The following KLF5 variants were observed in gnomAD, a reference collection of about 807,000 sequenced individuals.
The protein encoded by KLF5 is Krueppel-like factor 5.
A neutral mutation model predicts 36.9 loss-of-function variants in KLF5; 9 were observed. The ratio of observed to expected loss-of-function variants is 0.24; its 90% CI spans 0.15 to 0.43. The LOEUF is 0.43. Among genes scored for constraint, KLF5 ranks in the 20% least tolerant of loss-of-function variants. KLF5 has a pLI of 1.00. For missense variants in KLF5, 524 were observed against 599.5 expected, an observed-to-expected ratio of 0.87 and a Z score of 1.31; for synonymous variants, 246 against 241.7, an observed-to-expected ratio of 1.02 and a Z score of -0.17.
rs2044636815 is a variant in KLF5 at position 73,061,791 on chromosome 13, C to T, written c.262-70C>T. 4 of 1,453,196 alleles carry T rather than the reference C, an allele frequency of 2.8e-6. No homozygotes were observed. In the South Asian group the frequency reaches 5.0e-5, roughly 18 times the overall value. 90.0% of individuals were successfully genotyped at this position (1,453,196 alleles called of 1,614,324 possible). ...AGGGATTGGGGGAATTTTTAGTAGG[C>T]GCCGATTGTTCGTTCTTCCCGAGAT... On this transcript the variant is annotated intron_variant, in intron 1 of 3. Transcript: ENST00000377687.
rs190185588 is a variant in KLF5 at position 73,062,774 on chromosome 13, T to A, written c.1135+40T>A. 4.4e-3 allele frequency: 5,886 copies of A among 1,331,668 alleles called. 185 individuals are homozygous for A. In the African/African-American group the frequency reaches 0.076, roughly 17 times the overall value. 82.5% of individuals were successfully genotyped at this position (1,331,668 alleles called of 1,614,324 possible). Reference sequence around the variant, plus strand: ...CTGGTTGAAGCATCAATAGATGTAGTGTGTGTGTGTGTGTGTCTGTGTGCG... The same window carrying A: ...CTGGTTGAAGCATCAATAGATGTAGAGTGTGTGTGTGTGTGTCTGTGTGCG... On this transcript the variant is annotated intron_variant, in intron 2 of 3. Transcript: ENST00000377687.
chr13:73,055,614 T>C (rs941183517), upstream of KLF5, among the ~76,000 whole-genome samples: 1 of 152,218 alleles, frequency 6.6e-6, no homozygotes, highest in Non-Finnish European at 1.5e-5. Flanking sequence ...AGACTACAGA[T>C]GTGAAATGTT....
chr13:73,062,879 A>G, intron 2 of KLF5, 145 bp downstream of exon 2: 1 of 620,524 alleles, frequency 1.6e-6, no homozygotes, highest in South Asian at 2.6e-5. Flanking sequence ...GACAGTAAAA[A>G]AAAAAAAAAT....
In KLF5 at chr13:73,059,458, C is replaced by T; in HGVS notation, c.131C>T (p.Ala44Val). Residue 44 changes from alanine (A) to valine (V), a missense_variant, in exon 1 of 4, where the codon GCG becomes GTG. Physicochemically the swap from Ala to Val is moderately conservative, Grantham distance 64. Transcript: ENST00000377687. ...LGAANPARDA[A>V]LFPGEELKHA... ...GCCGCGAATCCGGCCCGCGACGCGG[C>T]GCTCTTCCCCGGCGAGGAGCTGAAG... The T allele has an allele frequency of 3.9e-6, 5 of 1,277,774 alleles. No homozygotes were observed. Among genetic ancestry groups the T allele is most frequent in the Non-Finnish European group, 4.9e-6 (5 of 1,012,506 alleles). The allele number at this position is 1,277,774 out of a possible 1,614,324, so 79.2% of individuals were successfully genotyped here. A position where few individuals can be genotyped will look rare whatever the true frequency, so the allele number is the denominator to read the frequency against.
intron 3 of KLF5, among the ~76,000 whole-genome samples, chr13:73,069,841 C>T (rs2044710085): frequency 6.6e-6 from 1 of 152,064 alleles, no homozygotes; most frequent in African/African-American, 2.4e-5. Context: ...CTCTTCTTGC[C>T]CTTTTGTTCA....
intron 1 of KLF5, among the ~76,000 whole-genome samples, chr13:73,061,277 C>T (rs533708936): frequency 6.6e-6 from 1 of 152,220 alleles, no homozygotes; most frequent in East Asian, 1.9e-4. Context: ...TTGCTTAGAA[C>T]GTTGTGTTTA....
rs367684900 is a variant in KLF5 at position 73,075,828 on chromosome 13, A to G, written c.1316A>G (p.Asn439Ser). 5.0e-6 allele frequency: 8 copies of G among 1,611,610 alleles called. No homozygotes were observed. The African/African-American group carries it at 1.1e-4, about 22-fold the overall frequency. The change falls in exon 4 of 4, where the codon AAC becomes AGC. Residue 439 changes from asparagine (N) to serine (S), a missense_variant. Physicochemically the swap from Asn to Ser is conservative, Grantham distance 46. Around this residue, in one of 4 missense-constraint regions of KLF5, gnomAD observed 20 missense variants for 16.1 expected, o/e 1.24. Coordinates refer to ENST00000377687, the MANE Select transcript of KLF5 (RefSeq NM_001730.5). ...GAKPFQCGVC[N>S]RSFSRSDHLA... ...AAGCCCTTCCAGTGCGGGGTGTGCA[A>G]CCGCAGCTTCTCGCGCTCTGACCAC...
chr13:73,063,068 C>T (rs1054128074), intron 2 of KLF5, among the ~76,000 whole-genome samples: 3 of 151,466 alleles, frequency 2.0e-5, no homozygotes, highest in Admixed American at 6.6e-5. Flanking sequence ...CATATTATTT[C>T]GAGTTAGGCC....
chr13:73,070,549 T>G (rs2044715691), intron 3 of KLF5, among the ~76,000 whole-genome samples: 1 of 152,186 alleles, frequency 6.6e-6, no homozygotes, highest in African/African-American at 2.4e-5. Flanking sequence ...TAGCAGTAGT[T>G]TAGGAGCCCA....
rs930942236 is a variant in KLF5 at position 73,076,161 on chromosome 13, A to AGGGGT, written c.*280_*284dup. ...AGGCAGCCACGTCTCAACATGGGTA[A>AGGGGT]GGGGTGGGGGTGGAGGGGAGTGTGT... On this transcript the variant is annotated 3_prime_UTR_variant, in exon 4 of 4. Transcript: ENST00000377687. 1 of 163,632 alleles carries AGGGGT rather than the reference A, an allele frequency of 6.1e-6. No homozygotes were observed. Among genetic ancestry groups the AGGGGT allele is most frequent in the Non-Finnish European group, 1.3e-5 (1 of 77,640 alleles). The allele number at this position is 163,632 out of a possible 1,614,324, so 10.1% of individuals were successfully genotyped here. A position where few individuals can be genotyped will look rare whatever the true frequency, so the allele number is the denominator to read the frequency against.
At chr13:73,059,650 C>T in intron 1 of KLF5, 62 bp downstream of exon 1, 1 of 1,104,184 alleles carries the variant, frequency 9.1e-7, no homozygotes, top group Non-Finnish European at 1.1e-6. Flanking sequence ...CCCGTTGCTG[C>T]GACTCGCGGG....
chr13:73,071,472 TA>T, intron 3 of KLF5, among the ~76,000 whole-genome samples: 1 of 152,188 alleles, frequency 6.6e-6, no homozygotes, highest in East Asian at 1.9e-4. Context: ...TGAGTTTTAA[TA>T]GAAAGGTTTT....
intron 3 of KLF5, among the ~76,000 whole-genome samples, chr13:73,064,834 G>A (rs2044667950): frequency 6.6e-6 from 1 of 152,112 alleles, no homozygotes; most frequent in South Asian, 2.1e-4. Flanking sequence ...GAGCCACCGC[G>A]CCCGACCAGC....
chr13:73,059,371 T>C lies in KLF5; in HGVS notation c.44T>C (p.Val15Ala). ...VLSMSARLGP[V>A]PQPPAPQDEP... ...AGCATGAGCGCCCGCCTGGGACCCG[T>C]GCCCCAGCCGCCGGCGCCGCAGGAC... Residue 15 changes from valine to alanine, a missense_variant, in exon 1 of 4, where the codon GTG becomes GCG. Val to Ala is a moderately conservative substitution (Grantham distance 64). Around this residue, in one of 4 missense-constraint regions of KLF5, gnomAD observed 454 missense variants for 458.1 expected, o/e 0.99. Coordinates refer to ENST00000377687, the MANE Select transcript of KLF5 (RefSeq NM_001730.5). The C allele has an allele frequency of 7.1e-7, 1 of 1,414,864 alleles. No individual in the cohort carries two copies. The highest frequency in any genetic ancestry group is 9.2e-7 in the Non-Finnish European group (1 of 1,085,274). 87.6% of individuals were successfully genotyped at this position (1,414,864 alleles called of 1,614,324 possible).
chr13:73,071,299 CTT>C (rs1262240374), intron 3 of KLF5, among the ~76,000 whole-genome samples: 2 of 152,096 alleles, frequency 1.3e-5, no homozygotes, highest in African/African-American at 4.8e-5. Flanking sequence ...AGGAATTTCT[CTT>C]TTGTTGCTTT....
intron 3 of KLF5, among the ~76,000 whole-genome samples, chr13:73,064,655 T>G (rs549711853): frequency 6.6e-6 from 1 of 152,204 alleles, no homozygotes; most frequent in African/African-American, 2.4e-5. Context: ...GCGATTCTCC[T>G]GCTTCAGCCT....
intron 3 of KLF5, among the ~76,000 whole-genome samples, chr13:73,070,797 A>G (rs1403757396): frequency 2.0e-5 from 3 of 152,188 alleles, no homozygotes; most frequent in Non-Finnish European, 4.4e-5. Flanking sequence ...TTCAGAATGG[A>G]CAATAACTCA....
chr13:73,075,004 T>C (rs1367733753), intron 3 of KLF5: 2 of 152,186 alleles, frequency 1.3e-5, no homozygotes, highest in East Asian at 3.8e-4. Context: ...ATGGTCTTTT[T>C]TTTTTACCAA....
At chr13:73,070,187 A>G (rs1210359015) in intron 3 of KLF5, among the ~76,000 whole-genome samples, 1 of 152,238 alleles carries the variant, frequency 6.6e-6, no homozygotes, top group African/African-American at 2.4e-5. Flanking sequence ...ATATCTATAT[A>G]GAAGAATAAA....
Sources: allele counts gnomAD v4.1 joint callset (sites outside exome capture counted in the v4.1 genomes callset), GRCh38; gene constraint gnomAD v4.1.1; regional missense constraint gnomAD v4.1.1; transcripts MANE v1.5; gene names NCBI Gene and HGNC (gene_info 2026-07-23, HGNC 2026-07-21).